The following USP24 variants were observed in gnomAD, a reference collection of about 807,000 sequenced individuals.
USP24 encodes ubiquitin carboxyl-terminal hydrolase 24.
A neutral mutation model predicts 361.6 loss-of-function variants in USP24; 97 were observed. The observed-to-expected ratio is 0.27, with a 90% confidence interval of 0.23 to 0.32. The LOEUF is 0.32. Among genes scored for constraint, USP24 ranks in the 10% least tolerant of loss-of-function variants. The pLI is 1.00. For missense variants in USP24, 2,353 were observed against 3,165.6 expected (o/e 0.74, Z 6.16); for synonymous variants, 1,098 against 1,124.6 (o/e 0.98, Z 0.47).
At position 55,142,796 on chromosome 1, in the gene USP24, C is replaced by T; in HGVS notation, c.2581-1G>A. On this transcript the variant is annotated splice_acceptor_variant, in intron 22 of 67. Coordinates refer to ENST00000294383, the MANE Select transcript of USP24 (RefSeq NM_015306.3). LOFTEE classifies it high-confidence loss of function. ...ATTTCTTATGTAAAGATACTGAATC[C>T]TGAAAGAGTATATGGAAATTACAAT... The T allele has an allele frequency of 6.5e-7, 1 of 1,541,972 alleles. No individual in the cohort carries two copies. Among genetic ancestry groups the T allele is most frequent in the Non-Finnish European group, 8.8e-7 (1 of 1,138,546 alleles).
chr1:55,106,936 T>C (rs748085694), intron 40 of USP24, among the ~76,000 whole-genome samples: 2 of 152,200 alleles, frequency 1.3e-5, no homozygotes, highest in Admixed American at 6.5e-5. Flanking sequence ...AAATTATGTA[T>C]TACAAAGTAC....
At position 55,137,624 on chromosome 1, in the gene USP24, G is replaced by T. The variant is rs1557618776; in HGVS notation, c.3092C>A (p.Thr1031Lys). ...QLGFSDEQIL[T>K]VKTSGSGTPS... ...GGTCCCACTGCCAGAAGTCTTCACTGTAAGGATTTGTTCATCAGAAAAGCC... is the reference window on the plus strand; with the variant it reads ...GGTCCCACTGCCAGAAGTCTTCACTTTAAGGATTTGTTCATCAGAAAAGCC... Residue 1031 changes from threonine (T) to lysine (K), a missense_variant, in exon 28 of 68, where the codon ACA (threonine) becomes AAA (lysine). Thr to Lys is a moderately conservative substitution (Grantham distance 78). Around this residue, in one of 8 missense-constraint regions of USP24, gnomAD observed 949 missense variants for 1,280.5 expected, o/e 0.74. Coordinates refer to ENST00000294383, the MANE Select transcript of USP24 (RefSeq NM_015306.3). 6.2e-7 allele frequency: 1 copy of T among 1,613,258 alleles called. No individual in the cohort carries two copies. Among genetic ancestry groups the T allele is most frequent in the Non-Finnish European group, 8.5e-7 (1 of 1,179,562 alleles).
At chr1:55,181,380 A>G (rs1057178717) in intron 1 of USP24, among the ~76,000 whole-genome samples, 1 of 152,222 alleles carries the variant, frequency 6.6e-6, no homozygotes, top group African/African-American at 2.4e-5. Flanking sequence ...TTAGAATCAC[A>G]ATGCATGGGA....
chr1:55,171,378 T>C (rs1649423930), intron 5 of USP24, among the ~76,000 whole-genome samples, 178 bp downstream of exon 5: 1 of 152,190 alleles, frequency 6.6e-6, no homozygotes, highest in Non-Finnish European at 1.5e-5. Flanking sequence ...AGTTAAGAGC[T>C]ATGGAAAAAT....
chr1:55,154,531 A>G, intron 13 of USP24, 65 bp from the exon 14 acceptor site: 1 of 1,513,856 alleles, frequency 6.6e-7, no homozygotes, highest in South Asian at 1.2e-5. Context: ...CAAAAATTTT[A>G]AACTTGAGCT....
At chr1:55,097,351 T>C (rs1645519819) in intron 48 of USP24, among the ~76,000 whole-genome samples, 179 bp from the exon 49 acceptor site, 1 of 152,142 alleles carries the variant, frequency 6.6e-6, no homozygotes, top group African/African-American at 2.4e-5. Context: ...AAGTAGCCTC[T>C]GGTTTGAGCC....
chr1:55,151,556 A>T (rs1647192556), intron 16 of USP24, among the ~76,000 whole-genome samples: 1 of 152,188 alleles, frequency 6.6e-6, no homozygotes, highest in South Asian at 2.1e-4. Context: ...CAACTTAAGG[A>T]ATATGCAGTA....
chr1:55,121,414 A>G (rs1557592593), intron 37 of USP24, 22 bp downstream of exon 37: 11 of 1,606,220 alleles, frequency 6.8e-6, no homozygotes, highest in Non-Finnish European at 6.8e-6. Context: ...GGAGTTTTGT[A>G]AGTAATGTGA....
chr1:55,158,857 A>T, intron 10 of USP24, 21 bp downstream of exon 10: 1 of 1,474,704 alleles, frequency 6.8e-7, no homozygotes, highest in Non-Finnish European at 9.1e-7. Context: ...TAAGTCTTGT[A>T]GAAACAAATG....
At position 55,158,913 on chromosome 1, in the gene USP24, G is replaced by C. The variant is rs1236909943; in HGVS notation, c.1192C>G (p.Pro398Ala). 1 of 1,570,608 alleles carries C rather than the reference G, an allele frequency of 6.4e-7. No individual in the cohort carries two copies. ...LDILLRMLKS[P>A]HFSAKMNSLK... ...GAATTCATCTTAGCACTGAAATGTGGTGATTTCAGCATGCGCAATAGAATA... is the reference window on the plus strand; with the variant it reads ...GAATTCATCTTAGCACTGAAATGTGCTGATTTCAGCATGCGCAATAGAATA... The change falls in exon 10 of 68, where the codon CCA becomes GCA. Residue 398 changes from proline (P) to alanine (A), a missense_variant. This residue lies in a region of USP24 where 386 missense variants were observed against 560.5 expected (regional missense o/e 0.69). Coordinates refer to ENST00000294383, the MANE Select transcript of USP24 (RefSeq NM_015306.3).
chr1:55,161,747 C>A (rs1297463037), intron 8 of USP24, among the ~76,000 whole-genome samples: 1 of 152,120 alleles, frequency 6.6e-6, no homozygotes, highest in African/African-American at 2.4e-5. Flanking sequence ...TGCTGACTTA[C>A]AATCCTACGG....
chr1:55,097,266 C>T (rs1337096750), intron 48 of USP24, 94 bp from the exon 49 acceptor site: 6 of 1,350,808 alleles, frequency 4.4e-6, no homozygotes, highest in African/African-American at 2.9e-5. Context: ...AAGTGTTTTC[C>T]TAGTTTAAGC....
Position 55,165,974 on chromosome 1 carries a change from T to TA in USP24, c.862-25dup, listed in dbSNP as rs760651401. ...AACTGAGAAGAAAAAAGGCACACATTAAGTTATTTTTCTCTTTAATTTTTT... is the reference window on the plus strand; with the variant it reads ...AACTGAGAAGAAAAAAGGCACACATTAAAGTTATTTTTCTCTTTAATTTTTT... On this transcript the variant is annotated intron_variant, in intron 6 of 67. Transcript: ENST00000294383. The TA allele has an allele frequency of 5.0e-6, 8 of 1,591,428 alleles. No homozygotes were observed. In the Admixed American group the frequency reaches 1.4e-4, roughly 28 times the overall value.
chr1:55,191,902 GATT>G (rs1375323888), intron 1 of USP24, among the ~76,000 whole-genome samples: 1 of 152,106 alleles, frequency 6.6e-6, no homozygotes. Context: ...TTAAAATATA[GATT>G]ATTTTGACAA....
chr1:55,098,298 G>A (rs1357649477), intron 46 of USP24, among the ~76,000 whole-genome samples, 178 bp downstream of exon 46: 1 of 152,160 alleles, frequency 6.6e-6, no homozygotes, highest in Non-Finnish European at 1.5e-5. Context: ...AGCCCACAAA[G>A]AAATTTTTTC....
rs962795552 is a variant in USP24, at chr1:55,120,039, G to A, written c.4508+557C>T. On this transcript the variant is annotated intron_variant, in intron 38 of 67. Coordinates refer to ENST00000294383, the MANE Select transcript of USP24 (RefSeq NM_015306.3). ...GAGTTAGAAAAAGTCATATGAACTT[G>A]AGGTCAATGTGAGACCCCTACCTCC... Among the ~76,000 whole-genome samples, 7 of 152,144 alleles carry A rather than the reference G, an allele frequency of 4.6e-5. No homozygotes were observed. The East Asian group carries it at 1.3e-3, about 29-fold the overall frequency.
intron 67 of USP24, among the ~76,000 whole-genome samples, chr1:55,069,899 A>T (rs995051364): frequency 6.1e-5 from 9 of 147,772 alleles, no homozygotes; most frequent in Admixed American, 2.0e-4. Flanking sequence ...AAAAAAAAAA[A>T]ATCAGAAAAT....
intron 36 of USP24, 100 bp downstream of exon 36, chr1:55,123,347 T>TGG: frequency 7.4e-7 from 1 of 1,342,884 alleles, no homozygotes; most frequent in Non-Finnish European, 9.8e-7. Flanking sequence ...TTTTTCATTT[T>TGG]GACCAATGGG....
intron 26 of USP24, 84 bp from the exon 27 acceptor site, chr1:55,137,988 T>C: frequency 7.6e-7 from 1 of 1,320,702 alleles, no homozygotes. Context: ...TACTAGGTAC[T>C]GGGCACTGTT....
Sources: gnomAD v4.1 joint callset for allele counts (sites outside exome capture counted in the v4.1 genomes callset) on GRCh38, gnomAD v4.1.1 for gene constraint, gnomAD v4.1.1 regional missense constraint, MANE v1.5 for transcripts, NCBI Gene and HGNC (gene_info 2026-07-23, HGNC 2026-07-21) for gene names.